The following GPR108 variants were observed in gnomAD, a reference collection of about 807,000 sequenced individuals.
GPR108 encodes protein GPR108.
GPR108 carries 60 observed loss-of-function variants against 74.3 expected under a neutral mutation model. The ratio of observed to expected loss-of-function variants is 0.81; its 90% CI spans 0.66 to 1.00. GPR108 has a LOEUF of 1.00. Ranked by LOEUF, GPR108 falls within the 50% of genes least tolerant of loss-of-function variation. GPR108 has a pLI of 0.00. For synonymous variants in GPR108, 311 were observed against 292.4 expected, an observed-to-expected ratio of 1.06 and a Z score of -0.65; for missense variants, 667 against 703.3, an observed-to-expected ratio of 0.95 and a Z score of 0.58.
chr19:6,734,239 G>A lies in GPR108; in HGVS notation c.443C>T (p.Pro148Leu). ...TGGCTTCGGGAGCCCTGGTTTGGAGGGTGCTTCCGGGAGGAGCCCGGGAAA... is the reference window on the plus strand; with the variant it reads ...TGGCTTCGGGAGCCCTGGTTTGGAGAGTGCTTCCGGGAGGAGCCCGGGAAA... ...FIFPGLLPEA[P>L]SKPGLPKPQA... Residue 148 changes from proline to leucine, a missense_variant, in exon 5 of 18, where the codon CCC becomes CTC. Transcript: ENST00000264080. 1 of 1,614,164 alleles carries A rather than the reference G, an allele frequency of 6.2e-7. No homozygotes were observed. The highest frequency in any genetic ancestry group is 8.5e-7 in the Non-Finnish European group (1 of 1,180,022).
Position 6,733,551 on chromosome 19 carries a change from T to C in GPR108, c.723+19A>G. The C allele has an allele frequency of 6.2e-7, 1 of 1,607,394 alleles. No homozygotes were observed. ...TGCAGGGGGCGCTCCCTGGCCCTGC[T>C]GCCCTCCACTCCGCTCACCGTGATG... On this transcript the variant is annotated intron_variant, in intron 8 of 17. Coordinates refer to ENST00000264080, the MANE Select transcript of GPR108 (RefSeq NM_001080452.2).
At chr19:6,735,007 A>G (rs1292996134) in intron 4 of GPR108, among the ~76,000 whole-genome samples, 1 of 151,728 alleles carries the variant, frequency 6.6e-6, no homozygotes, top group Non-Finnish European at 1.5e-5. Context: ...CAGCTTCCAG[A>G]GTAGCTGGGA....
intron 1 of GPR108, 169 bp from the exon 2 acceptor site, chr19:6,736,880 G>A (rs1599549602): frequency 1.1e-6 from 1 of 879,786 alleles, no homozygotes; most frequent in East Asian, 2.7e-5. Flanking sequence ...GCAGGGGAAG[G>A]GTGGTCCTGC....
intron 4 of GPR108, 36 bp from the exon 5 acceptor site, chr19:6,734,343 G>T (rs1009471198): frequency 6.3e-7 from 1 of 1,599,814 alleles, no homozygotes; most frequent in Middle Eastern, 2.1e-4. Context: ...GAGGCTGGGG[G>T]GCTGAACTTG....
rs201107632 is a variant in GPR108 at position 6,734,275 on chromosome 19, G to T, written c.407C>A (p.Thr136Lys). The T allele has an allele frequency of 5.0e-5, 80 of 1,613,990 alleles. No individual in the cohort carries two copies. Among genetic ancestry groups the T allele is most frequent in the Non-Finnish European group, 6.5e-5 (77 of 1,179,960 alleles). The stretch of plus-strand genomic sequence containing the variant: ...GAGGAGCCCGGGAAAGATAAACAAC[G>T]TCTTCTGCTCTCCATACTTCCGCAC... ...VQVRKYGEQK[T>K]LFIFPGLLPE... is the part of the protein sequence containing the mutation. Residue 136 changes from threonine (T) to lysine (K), a missense_variant, in exon 5 of 18, where the codon ACG (threonine) becomes AAG (lysine). Coordinates refer to ENST00000264080, the MANE Select transcript of GPR108 (RefSeq NM_001080452.2).
chr19:6,730,454 A>T, intron 17 of GPR108, 70 bp from the exon 18 acceptor site: 1 of 1,323,258 alleles, frequency 7.6e-7, no homozygotes, highest in Non-Finnish European at 1.1e-6. Flanking sequence ...ACCCGGAACC[A>T]CTCAGGCCCC....
chr19:6,737,338 G>T, intron 1 of GPR108, 119 bp downstream of exon 1: 3 of 1,275,208 alleles, frequency 2.4e-6, no homozygotes, highest in Non-Finnish European at 3.1e-6. Context: ...AACGGGGGGC[G>T]CCGGACCACT....
chr19:6,736,470 G>A (rs1210642678), intron 2 of GPR108, 122 bp downstream of exon 2: 8 of 1,032,960 alleles, frequency 7.7e-6, no homozygotes, highest in Admixed American at 2.2e-5. Flanking sequence ...TACAGATGAC[G>A]AAACAGGCTC....
At chr19:6,735,303 G>A (rs374131967) in intron 4 of GPR108, 9 of 227,368 alleles carry the variant, frequency 4.0e-5, no homozygotes, top group East Asian at 2.1e-4. Flanking sequence ...TCTGAAGAGC[G>A]GAGATGATCA....
Position 6,734,091 on chromosome 19 carries a change from G to A in GPR108, c.500-37C>T, listed in dbSNP as rs377536665. The A allele has an allele frequency of 3.1e-6, 5 of 1,614,024 alleles. No homozygotes were observed. In the Admixed American group the frequency reaches 8.3e-5, roughly 27 times the overall value. ...CGGGCAGTGATTTTAAGAGATGGAT[G>A]GATGGATAGAGGGGCAGTGGGAAAA... On this transcript the variant is annotated intron_variant, in intron 5 of 17. Coordinates refer to ENST00000264080, the MANE Select transcript of GPR108 (RefSeq NM_001080452.2).
Position 6,730,279 on chromosome 19 carries a change from A to G in GPR108, c.*33T>C, listed in dbSNP as rs1449491052. 3 of 1,586,188 alleles carry G rather than the reference A, an allele frequency of 1.9e-6. No individual in the cohort carries two copies. In the African/African-American group the frequency reaches 4.0e-5, roughly 21 times the overall value. On this transcript the variant is annotated 3_prime_UTR_variant, in exon 18 of 18. Coordinates refer to ENST00000264080, the MANE Select transcript of GPR108 (RefSeq NM_001080452.2). ...GGGCAGGAGTGAGAAATGCTGGGGG[A>G]GGACGACCCTTTGGTCTGAGATGTG...
Position 6,732,269 on chromosome 19 carries a change from G to A in GPR108, c.1119C>T (p.Pro373=). 4 of 1,612,014 alleles carry A rather than the reference G, an allele frequency of 2.5e-6. No homozygotes were observed. Among genetic ancestry groups the A allele is most frequent in the South Asian group, 1.1e-5 (1 of 91,082 alleles). ...KEKKVFGIVI[P]MQVLANVAYI... ...GAGGCTGCTCCATCCGCACCTGCAT[G>A]GGGATCACGATCCCAAAGACCTTCT... The change falls in exon 12 of 18, where the codon CCC becomes CCT. Residue 373 remains proline, a synonymous_variant. Coordinates refer to ENST00000264080, the MANE Select transcript of GPR108 (RefSeq NM_001080452.2).
intron 2 of GPR108, 88 bp downstream of exon 2, chr19:6,736,499 GTACAA>G: frequency 7.6e-7 from 1 of 1,308,744 alleles, no homozygotes; most frequent in South Asian, 1.3e-5. Context: ...GACGGGACTT[GTACAA>G]GATCACATGG....
At chr19:6,730,415 G>C in intron 17 of GPR108, 31 bp from the exon 18 acceptor site, 1 of 1,592,224 alleles carries the variant, frequency 6.3e-7, no homozygotes, top group Non-Finnish European at 8.6e-7. Flanking sequence ...GGCGTCTAGC[G>C]TTGCAGGGCA....
rs770619019 is a variant in GPR108, at chr19:6,734,259, G to A, written c.423C>T (p.Pro141=). The A allele has an allele frequency of 2.8e-5, 45 of 1,614,054 alleles. No individual in the cohort carries two copies. The highest frequency in any genetic ancestry group is 2.6e-4 in the South Asian group (24 of 91,076). Residue 141 remains proline (P), a synonymous_variant, in exon 5 of 18, where the codon CCC becomes CCT. Coordinates refer to ENST00000264080, the MANE Select transcript of GPR108 (RefSeq NM_001080452.2). ...YGEQKTLFIF[P]GLLPEAPSKP... is the part of the protein sequence containing the mutation. ...TGGAGGGTGCTTCCGGGAGGAGCCCGGGAAAGATAAACAACGTCTTCTGCT... is the reference window on the plus strand; with the variant it reads ...TGGAGGGTGCTTCCGGGAGGAGCCCAGGAAAGATAAACAACGTCTTCTGCT...
In GPR108 at chr19:6,736,635, A is replaced by G. The variant is rs767380412; in HGVS notation, c.197T>C (p.Val66Ala). ...TGCCTCCCGGAGGCCCAGCCGCAGG[A>G]CGCTCAACTCCACCTCCAGAGAGCC... is the stretch of plus-strand genomic sequence containing the variant. ...TNGSLEVELS[V>A]LRLGLREAEE... The change falls in exon 2 of 18, where the codon GTC becomes GCC. Residue 66 changes from valine (V) to alanine (A), a missense_variant. Transcript: ENST00000264080. The G allele has an allele frequency of 6.2e-7, 1 of 1,614,088 alleles. No homozygotes were observed. Among genetic ancestry groups the G allele is most frequent in the Non-Finnish European group, 8.5e-7 (1 of 1,180,002 alleles).
rs371826464 is a variant in GPR108 at position 6,733,633 on chromosome 19, G to C, written c.660C>G (p.Tyr220Ter). Residue 220 changes from tyrosine to a stop codon, truncating the protein, a stop_gained, in exon 8 of 18, where the codon TAC becomes TAG. Coordinates refer to ENST00000264080, the MANE Select transcript of GPR108 (RefSeq NM_001080452.2). LOFTEE classifies it high-confidence loss of function. ...TGTTGCAGTTGTGGAAGTTCAGGCTGTACTGGCCTTCTTCCGCCTGAGAGC... is the reference window on the plus strand; with the variant it reads ...TGTTGCAGTTGTGGAAGTTCAGGCTCTACTGGCCTTCTTCCGCCTGAGAGC... Reference protein sequence around the residue: ...VIGSQAEEGQYSLNFHNCNNS... With the variant: ...VIGSQAEEGQ 1.9e-6 allele frequency: 3 copies of C among 1,614,184 alleles called. No individual in the cohort carries two copies. Among genetic ancestry groups the C allele is most frequent in the Non-Finnish European group, 2.5e-6 (3 of 1,180,020 alleles).
rs1372938731 is a variant in GPR108 at position 6,731,495 on chromosome 19, A to G, written c.1328T>C (p.Leu443Pro). Residue 443 changes from leucine (L) to proline (P), a missense_variant, in exon 15 of 18, where the codon CTG becomes CCG. Physicochemically the swap from Leu to Pro is moderately conservative, Grantham distance 98. Transcript: ENST00000264080. ...KVAVNLAKLK[L>P]FRHYYVMVIC... ...TACCATGACATAGTAATGCCGGAAC[A>G]GCTTCAGCTTGGCCAGGTTCACTGC... 1 of 1,430,070 alleles carries G rather than the reference A, an allele frequency of 7.0e-7. No homozygotes were observed. Among genetic ancestry groups the G allele is most frequent in the Middle Eastern group, 2.0e-4 (1 of 4,972 alleles). 88.6% of individuals were successfully genotyped at this position (1,430,070 alleles called of 1,614,324 possible).
intron 8 of GPR108, 53 bp from the exon 9 acceptor site, chr19:6,733,354 C>T (rs1968501289): frequency 3.8e-6 from 6 of 1,580,696 alleles, no homozygotes; most frequent in Non-Finnish European, 5.2e-6. Context: ...GACCGCTGGC[C>T]TGGGAGAGCA....
Sources: gnomAD v4.1 joint callset for allele counts (sites outside exome capture counted in the v4.1 genomes callset) on GRCh38, gnomAD v4.1.1 for gene constraint, MANE v1.5 for transcripts, NCBI Gene and HGNC (gene_info 2026-07-23, HGNC 2026-07-21) for gene names.